The following MREG variants were observed in gnomAD, a reference collection of about 807,000 sequenced individuals.
MREG encodes dilute suppressor protein homolog.
A neutral mutation model predicts 28.5 loss-of-function variants in MREG; 31 were observed. The ratio of observed to expected loss-of-function variants is 1.09; its 90% CI spans 0.82 to 1.47. The LOEUF is 1.47. Among genes scored for constraint, MREG ranks in the 40% most tolerant of loss-of-function variants. The pLI, the probability that MREG is intolerant of heterozygous loss-of-function variation, is 0.00. For missense variants in MREG, 256 were observed against 257.4 expected (o/e 0.99, Z 0.04); for synonymous variants, 106 against 95.2 (o/e 1.11, Z -0.66).
chr2:215,980,267 C>T (rs1002855992), intron 2 of MREG, among the ~76,000 whole-genome samples: 3 of 152,202 alleles, frequency 2.0e-5, no homozygotes, highest in African/African-American at 4.8e-5. Flanking sequence ...TCACAAGGTA[C>T]GTTACCCTTG....
At chr2:215,967,985 A>C (rs901733037) in intron 2 of MREG, among the ~76,000 whole-genome samples, 1 of 152,244 alleles carries the variant, frequency 6.6e-6, no homozygotes, top group Non-Finnish European at 1.5e-5. Context: ...GAGGTCTAGC[A>C]GCTTAAGATG....
At chr2:216,003,163 A>G (rs1694062482) in intron 1 of MREG, among the ~76,000 whole-genome samples, 1 of 151,986 alleles carries the variant, frequency 6.6e-6, no homozygotes, top group South Asian at 2.1e-4. Flanking sequence ...TTGTTCCATT[A>G]GTTCCAGCGC....
At chr2:216,009,098 G>T (rs1356611243) in intron 1 of MREG, among the ~76,000 whole-genome samples, 14 of 152,048 alleles carry the variant, frequency 9.2e-5, no homozygotes, top group African/African-American at 3.4e-4. Flanking sequence ...ACAGAGTTAG[G>T]TTCCTGTGAG....
At chr2:215,981,972 A>G (rs951863791) in intron 2 of MREG, among the ~76,000 whole-genome samples, 11 of 152,114 alleles carry the variant, frequency 7.2e-5, no homozygotes, top group African/African-American at 2.4e-4. Flanking sequence ...GTTTGCCACT[A>G]TTTATTGTGT....
At chr2:215,988,607 C>T (rs1693641228) in intron 2 of MREG, among the ~76,000 whole-genome samples, 1 of 152,198 alleles carries the variant, frequency 6.6e-6, no homozygotes, top group Non-Finnish European at 1.5e-5. Context: ...CAGCAGATCC[C>T]ACTCCCATGG....
At chr2:216,011,025 G>A (rs982526894) in intron 1 of MREG, among the ~76,000 whole-genome samples, 7 of 151,280 alleles carry the variant, frequency 4.6e-5, no homozygotes, top group African/African-American at 1.5e-4. Context: ...CAGCCTGGGA[G>A]GCGGAGCTTG....
rs368431426 is a variant in MREG at position 215,945,710 on chromosome 2, A to G, written c.371T>C (p.Leu124Ser). ...GGTGCTGAGTTTAGTCACTGACAACAAAGAGTCAGCTTCCTTTTGAAAACC... is the reference window on the plus strand; with the variant it reads ...GGTGCTGAGTTTAGTCACTGACAACGAAGAGTCAGCTTCCTTTTGAAAACC... ...DLGFQKEADSLLSVTKLSTIS... is the reference protein window; with the variant it reads ...DLGFQKEADSSLSVTKLSTIS... Residue 124 changes from leucine to serine, a missense_variant, in exon 4 of 5, where the codon TTG becomes TCG. By Grantham distance (145) the Leu-to-Ser change is moderately radical (BLOSUM62 -2). Transcript: ENST00000263268. 134 of 1,613,462 alleles carry G rather than the reference A, an allele frequency of 8.3e-5. No homozygotes were observed. The highest frequency in any genetic ancestry group is 1.3e-5 in the African/African-American group (1 of 74,896).
chr2:216,019,804 C>G (rs779907454), intron 1 of MREG, among the ~76,000 whole-genome samples: 7 of 152,168 alleles, frequency 4.6e-5, no homozygotes, highest in Non-Finnish European at 8.8e-5. Flanking sequence ...CGCTTCCAGC[C>G]TCAAACTATT....
chr2:216,013,389 G>T lies in MREG; in HGVS notation c.-62C>A. On this transcript the variant is annotated 5_prime_UTR_variant, in exon 1 of 5. Transcript: ENST00000263268. Reference sequence around the variant, plus strand: ...GGCCGAGTCGCCGCGGCGAGCGATCGAGGCTGGGGCGCGGCCACCGCGCCA... The same window carrying T: ...GGCCGAGTCGCCGCGGCGAGCGATCTAGGCTGGGGCGCGGCCACCGCGCCA... 2 of 1,250,808 alleles carry T rather than the reference G, an allele frequency of 1.6e-6. No homozygotes were observed. The highest frequency in any genetic ancestry group is 2.1e-6 in the Non-Finnish European group (2 of 963,802). The allele number at this position is 1,250,808 out of a possible 1,614,324, so 77.5% of individuals were successfully genotyped here. A position where few individuals can be genotyped will look rare whatever the true frequency, so the allele number is the denominator to read the frequency against.
Position 215,945,585 on chromosome 2 carries a change from ATCTC to A in MREG, c.492_495del (p.Glu164AspfsTer86). On this transcript the variant is annotated frameshift_variant, in exon 4 of 5. Coordinates refer to ENST00000263268, the MANE Select transcript of MREG (RefSeq NM_018000.3). LOFTEE classifies it high-confidence loss of function. ...CATCCACTTACCACAACAAAGAGAT[ATCTC>A]TCTGAGAGCTCCCAACTTGTTGGGA... 3 of 1,613,460 alleles carry A rather than the reference ATCTC, an allele frequency of 1.9e-6. No homozygotes were observed. Among genetic ancestry groups the A allele is most frequent in the Non-Finnish European group, 2.5e-6 (3 of 1,179,724 alleles).
intron 2 of MREG, among the ~76,000 whole-genome samples, chr2:215,957,960 C>G (rs942509101): frequency 1.3e-5 from 2 of 152,126 alleles, no homozygotes; most frequent in African/African-American, 4.8e-5. Context: ...TTTGTAGGGA[C>G]ATGGCTGAAG....
intron 2 of MREG, among the ~76,000 whole-genome samples, chr2:215,994,329 A>G (rs1182285704): frequency 1.3e-5 from 2 of 151,510 alleles, no homozygotes; most frequent in Admixed American, 6.6e-5. Context: ...ACCAAACACC[A>G]CATGTTCTCA....
At chr2:215,994,209 A>G (rs191721692) in intron 2 of MREG, among the ~76,000 whole-genome samples, 1 of 152,090 alleles carries the variant, frequency 6.6e-6, no homozygotes, top group Admixed American at 6.5e-5. Flanking sequence ...TGGCACATAT[A>G]CTCCATGGAA....
intron 1 of MREG, among the ~76,000 whole-genome samples, chr2:216,007,355 A>G (rs1694181749): frequency 1.3e-5 from 2 of 152,202 alleles, no homozygotes; most frequent in South Asian, 4.1e-4. Context: ...TTCTTGGTTC[A>G]GCTCTCAGAT....
At chr2:215,982,211 G>A (rs1017017428) in intron 2 of MREG, among the ~76,000 whole-genome samples, 88 of 151,810 alleles carry the variant, frequency 5.8e-4, no homozygotes, top group Non-Finnish European at 1.1e-3. Context: ...ATTCCAGCTA[G>A]TTGGGAGGCT....
chr2:216,010,357 T>C (rs1694267427), intron 1 of MREG, among the ~76,000 whole-genome samples: 2 of 132,932 alleles, frequency 1.5e-5, no homozygotes, highest in African/African-American at 5.7e-5. Context: ...GATTTCTCTT[T>C]TTTTTTTTTT....
At position 215,943,631 on chromosome 2, in the gene MREG, G is replaced by A. The variant is rs150285041; in HGVS notation, c.*1232C>T. On this transcript the variant is annotated 3_prime_UTR_variant, in exon 5 of 5. Coordinates refer to ENST00000263268, the MANE Select transcript of MREG (RefSeq NM_018000.3). Reference sequence around the variant, plus strand: ...CTGGGGCAGGCGGATGACGAGGTCAGGAGATCGAGACCATCGTGGCTAACA... The same window carrying A: ...CTGGGGCAGGCGGATGACGAGGTCAAGAGATCGAGACCATCGTGGCTAACA... 0.23 allele frequency: 86,752 copies of A among 384,830 alleles called. 11,008 individuals carry two copies. The highest frequency in any genetic ancestry group is 0.29 in the Non-Finnish European group (55,839 of 194,008). The allele number at this position is 384,830 out of a possible 1,614,324, so 23.8% of individuals were successfully genotyped here. A position where few individuals can be genotyped will look rare whatever the true frequency, so the allele number is the denominator to read the frequency against.
chr2:215,944,116 A>G lies in MREG; in HGVS notation c.*747T>C, dbSNP rs1384180002. 4 of 150,342 alleles carry G rather than the reference A, an allele frequency of 2.7e-5. No homozygotes were observed. The East Asian group carries it at 6.1e-4, about 23-fold the overall frequency. The allele number at this position is 150,342 out of a possible 1,614,324, so 9.3% of individuals were successfully genotyped here. ...TACCTCAGCCTCCTGGGTAGCTGGG[A>G]TTACAAGCGCGTGCCATCACACCTG... On this transcript the variant is annotated 3_prime_UTR_variant, in exon 5 of 5. Coordinates refer to ENST00000263268, the MANE Select transcript of MREG (RefSeq NM_018000.3).
intron 2 of MREG, among the ~76,000 whole-genome samples, chr2:215,993,573 G>A (rs1273970052): frequency 6.6e-6 from 1 of 151,540 alleles, no homozygotes; most frequent in Non-Finnish European, 1.5e-5. Context: ...TGACAAATGG[G>A]ATTAAACTAA....
Sources: allele counts gnomAD v4.1 joint callset (sites outside exome capture counted in the v4.1 genomes callset), GRCh38; gene constraint gnomAD v4.1.1; transcripts MANE v1.5; gene names NCBI Gene and HGNC (gene_info 2026-07-23, HGNC 2026-07-21).